The following COBLL1 variants were observed in gnomAD, a reference collection of about 807,000 sequenced individuals.
The protein encoded by COBLL1 is cordon-bleu WH2 repeat protein like 1, also known as cordon-bleu protein-like 1.
Under a neutral mutation model 94.8 loss-of-function variants are expected in COBLL1, and 50 were observed. The ratio of observed to expected loss-of-function variants is 0.53; its 90% CI spans 0.42 to 0.67. The LOEUF (loss-of-function observed/expected upper bound fraction) is 0.67. COBLL1 is among the 30% of genes least tolerant of loss of function. COBLL1 has a pLI of 0.00. For synonymous variants in COBLL1, 448 were observed against 473.8 expected (o/e 0.95, Z 0.71); for missense variants, 1,362 against 1,348.7 (o/e 1.01, Z -0.15).
At chr2:164,696,078 T>G in intron 11 of COBLL1, 1 of 393,628 alleles carries the variant, frequency 2.5e-6, no homozygotes, top group Non-Finnish European at 4.5e-6. Flanking sequence ...AATTAACCCC[T>G]TTGAGCCTCA....
At chr2:164,830,397 C>T (rs1683023476) in intron 2 of COBLL1, among the ~76,000 whole-genome samples, 1 of 152,124 alleles carries the variant, frequency 6.6e-6, no homozygotes, top group Admixed American at 6.6e-5. Context: ...TATTCAAAAT[C>T]CTCAGATAAT....
At chr2:164,762,697 T>TG (rs1687741738) in intron 2 of COBLL1, among the ~76,000 whole-genome samples, 1 of 76,042 alleles carries the variant, frequency 1.3e-5, no homozygotes, top group East Asian at 2.3e-4. Flanking sequence ...CCTATCATCC[T>TG]TTTTTTTTTT....
intron 2 of COBLL1, among the ~76,000 whole-genome samples, chr2:164,770,104 G>T (rs1349748801): frequency 6.6e-6 from 1 of 152,134 alleles, no homozygotes; most frequent in Non-Finnish European, 1.5e-5. Flanking sequence ...ACAGGACAAA[G>T]CATAAATTCC....
At chr2:164,827,696 A>C (rs1307395019) in intron 2 of COBLL1, among the ~76,000 whole-genome samples, 1 of 152,218 alleles carries the variant, frequency 6.6e-6, no homozygotes, top group Non-Finnish European at 1.5e-5. Flanking sequence ...AATGAGTATG[A>C]ATTCTTATGT....
At chr2:164,815,749 T>C (rs2105347962) in intron 2 of COBLL1, among the ~76,000 whole-genome samples, 1 of 152,268 alleles carries the variant, frequency 6.6e-6, no homozygotes, top group Admixed American at 6.5e-5. Context: ...ATGGGAATTG[T>C]TCCTCCCCAA....
In COBLL1 at chr2:164,680,888, A is replaced by G. The variant is rs1188000600; in HGVS notation, c.*5058T>C. ...AGATGACTTTGACAGCTGGGCTCTC[A>G]TGCTTCTAGGTCTGAAGACAAAATG... On this transcript the variant is annotated 3_prime_UTR_variant, in exon 14 of 14. Coordinates refer to ENST00000652658, the MANE Select transcript of COBLL1 (RefSeq NM_001365672.2). 6.6e-6 allele frequency: 1 copy of G among 152,134 alleles called. No homozygotes were observed. The highest frequency in any genetic ancestry group is 1.5e-5 in the Non-Finnish European group (1 of 68,026). The allele number at this position is 152,134 out of a possible 1,614,324, so 9.4% of individuals were successfully genotyped here. A position where few individuals can be genotyped will look rare whatever the true frequency, so the allele number is the denominator to read the frequency against.
intron 9 of COBLL1, among the ~76,000 whole-genome samples, chr2:164,703,997 A>G (rs75102247): frequency 4.1e-4 from 62 of 152,330 alleles, no homozygotes; most frequent in African/African-American, 1.5e-3. Context: ...TTTCATGGTA[A>G]CAGATTTTTA....
At chr2:164,715,127 C>A (rs1413718120) in intron 7 of COBLL1, among the ~76,000 whole-genome samples, 1 of 152,074 alleles carries the variant, frequency 6.6e-6, no homozygotes, top group Non-Finnish European at 1.5e-5. Flanking sequence ...TTCACCATTG[C>A]TTTTGTTATT....
chr2:164,789,025 AC>A lies in COBLL1; in HGVS notation c.42-45151del, dbSNP rs1445876570. Among the ~76,000 whole-genome samples, 5 of 24,012 alleles carry A rather than the reference AC, an allele frequency of 2.1e-4. No homozygotes were observed. In the African/African-American group the frequency reaches 4.6e-3, roughly 22 times the overall value. The allele number at this position is 24,012 out of a possible 152,430, so 15.8% of individuals were successfully genotyped here. On this transcript the variant is annotated intron_variant, in intron 2 of 13. Coordinates refer to ENST00000652658, the MANE Select transcript of COBLL1 (RefSeq NM_001365672.2). ...CCTGTAGGAGTAGAGGTTTAAACAC[AC>A]ACACACACACACACACACACACACA...
intron 7 of COBLL1, chr2:164,718,120 G>T (rs1685266047): frequency 6.0e-6 from 2 of 335,640 alleles, no homozygotes; most frequent in Non-Finnish European, 8.5e-6. Flanking sequence ...TACGATATAA[G>T]TGTGACACAT....
At chr2:164,782,939 G>A (rs951573195) in intron 2 of COBLL1, among the ~76,000 whole-genome samples, 5 of 152,088 alleles carry the variant, frequency 3.3e-5, no homozygotes, top group African/African-American at 1.2e-4. Flanking sequence ...TACTTAAAAT[G>A]TTATAACTTC....
Position 164,816,575 on chromosome 2 carries a change from T to C in COBLL1, c.41+24581A>G, listed in dbSNP as rs141922819. Among the ~76,000 whole-genome samples the C allele has an allele frequency of 6.5e-4, 99 of 152,286 alleles. 1 individual carries two copies. The East Asian group carries it at 0.016, about 24-fold the overall frequency. The stretch of plus-strand genomic sequence containing the variant: ...AATAGCCCAGGCCTAAATTAGAAAT[T>C]TTATTTTAAAGGATATTATACTGTA... On this transcript the variant is annotated intron_variant, in intron 2 of 13. Coordinates refer to ENST00000652658, the MANE Select transcript of COBLL1 (RefSeq NM_001365672.2).
In COBLL1 at chr2:164,664,373, T is replaced by C. The variant is rs116719990; in HGVS notation, n.181+1474A>G. 6.5e-3 allele frequency among the ~76,000 whole-genome samples: 994 copies of C among 152,310 alleles called. 9 individuals carry two copies. The highest frequency in any genetic ancestry group is 0.023 in the African/African-American group (962 of 41,562). ...AAAAGACACAAATCAAAGAATAGAGTCACATTAGAGTCATTGCCTATATTT... is the reference window on the plus strand; with the variant it reads ...AAAAGACACAAATCAAAGAATAGAGCCACATTAGAGTCATTGCCTATATTT... On this transcript the variant is annotated intron_variant and non_coding_transcript_variant, in intron 2 of 2. Transcript: ENST00000495084.
At chr2:164,693,567 T>C (rs937213135) in intron 12 of COBLL1, among the ~76,000 whole-genome samples, 1 of 152,112 alleles carries the variant, frequency 6.6e-6, no homozygotes, top group African/African-American at 2.4e-5. Flanking sequence ...TATCTGAAGC[T>C]AGCAAAATAC....
chr2:164,747,221 T>C (rs1444277794), intron 2 of COBLL1, among the ~76,000 whole-genome samples: 1 of 152,194 alleles, frequency 6.6e-6, no homozygotes, highest in Admixed American at 6.5e-5. Context: ...TTATGTTTTA[T>C]TTTTTACAAG....
chr2:164,803,582 T>TAAATA (rs141238166), intron 2 of COBLL1, among the ~76,000 whole-genome samples: 2,412 of 146,382 alleles, frequency 0.016, 30 homozygotes, highest in South Asian at 0.029. Flanking sequence ...AATAAATAAA[T>TAAATA]AAATAAAATA....
chr2:164,818,297 C>A (rs1574645151), intron 2 of COBLL1, among the ~76,000 whole-genome samples: 1 of 140,852 alleles, frequency 7.1e-6, no homozygotes. Context: ...TGTATGTATA[C>A]ATATGTATAC....
chr2:164,721,332 C>A (rs1431508699), intron 7 of COBLL1, among the ~76,000 whole-genome samples: 1 of 152,132 alleles, frequency 6.6e-6, no homozygotes, highest in Non-Finnish European at 1.5e-5. Flanking sequence ...CATCTTCAAT[C>A]ATATATACCT....
chr2:164,664,880 T>G (rs193204458), intron 2 of COBLL1, among the ~76,000 whole-genome samples: 69 of 152,110 alleles, frequency 4.5e-4, no homozygotes, highest in African/African-American at 1.5e-3. Context: ...TGGCATTGAG[T>G]TAACCTTTAT....
Sources: gnomAD v4.1 joint callset for allele counts (sites outside exome capture counted in the v4.1 genomes callset) on GRCh38, gnomAD v4.1.1 for gene constraint, MANE v1.5 for transcripts, NCBI Gene and HGNC (gene_info 2026-07-23, HGNC 2026-07-21) for gene names.